Variants in NCKAP5 observed in about 807,000 individuals in gnomAD.
NCKAP5 encodes NCK associated protein 5.
NCKAP5 carries 92 observed loss-of-function variants against 167.0 expected under a neutral mutation model. The ratio of observed to expected loss-of-function variants is 0.55; its 90% CI spans 0.47 to 0.66. The LOEUF is 0.66. Ranked by LOEUF, NCKAP5 falls within the 30% of genes least tolerant of loss-of-function variation. The probability of loss-of-function intolerance (pLI) is 0.00; values close to 1 mark genes in which losing one functional copy is unlikely to be tolerated. For missense variants in NCKAP5, 2,378 were observed against 2,315.0 expected, an observed-to-expected ratio of 1.03 and a Z score of -0.56; for synonymous variants, 891 against 877.4, an observed-to-expected ratio of 1.02 and a Z score of -0.27.
intron 19 of NCKAP5, among the ~76,000 whole-genome samples, chr2:132,690,093 TA>T (rs1488473816): frequency 6.6e-6 from 1 of 152,202 alleles, no homozygotes; most frequent in Non-Finnish European, 1.5e-5. Context: ...TGTTCAATGT[TA>T]TTTTTTTATA....
chr2:133,242,413 G>C (rs2087761929), intron 4 of NCKAP5, among the ~76,000 whole-genome samples: 1 of 151,658 alleles, frequency 6.6e-6, no homozygotes. Context: ...TATAAACAGG[G>C]CTGGTTTCAG....
chr2:133,084,046 C>G (rs1040843151), intron 6 of NCKAP5, among the ~76,000 whole-genome samples: 4 of 152,082 alleles, frequency 2.6e-5, no homozygotes, highest in African/African-American at 9.7e-5. Context: ...TTAGGAGTTT[C>G]TGAGCACAGA....
intron 6 of NCKAP5, among the ~76,000 whole-genome samples, chr2:133,059,542 A>G (rs2079920957): frequency 6.6e-6 from 1 of 151,338 alleles, no homozygotes; most frequent in African/African-American, 2.4e-5. Flanking sequence ...GCCTGGTGGC[A>G]CATGCCTGTG....
chr2:133,174,104 C>T (rs1322316461), intron 5 of NCKAP5, among the ~76,000 whole-genome samples: 4 of 152,172 alleles, frequency 2.6e-5, no homozygotes, highest in African/African-American at 9.7e-5. Context: ...TATCCAGAAT[C>T]CCATGTGGCA....
intron 15 of NCKAP5, among the ~76,000 whole-genome samples, chr2:132,774,272 G>A (rs777467636): frequency 2.8e-4 from 42 of 152,268 alleles, no homozygotes; most frequent in Non-Finnish European, 5.3e-4. Context: ...GTCTAACGAG[G>A]TATAATTCCT....
chr2:133,671,372 C>T, the NCKAP5 span, among the ~76,000 whole-genome samples: 1 of 152,096 alleles, frequency 6.6e-6, no homozygotes, highest in South Asian at 2.1e-4. Context: ...GAAATAAACT[C>T]TTCAAAGTGG....
Position 133,432,530 on chromosome 2 carries a change from C to G in NCKAP5, c.69+84928G>C, listed in dbSNP as rs184759818. On this transcript the variant is annotated intron_variant, in intron 3 of 19. Transcript: ENST00000409261. ...CAACATCAGGGTTATCTATCCTGAG[C>G]ACTGATGGACTCGGCTCCAAATACA... Among the ~76,000 whole-genome samples the G allele has an allele frequency of 1.7e-3, 259 of 152,276 alleles. 2 individuals carry two copies. The highest frequency in any genetic ancestry group is 6.0e-3 in the African/African-American group (249 of 41,556).
At chr2:133,451,135 C>T (rs1691523990) in intron 3 of NCKAP5, among the ~76,000 whole-genome samples, 1 of 152,078 alleles carries the variant, frequency 6.6e-6, no homozygotes, top group Non-Finnish European at 1.5e-5. Flanking sequence ...TACATAGACA[C>T]AGACTCAAAG....
At chr2:132,729,517 G>A (rs1291106936) in intron 17 of NCKAP5, among the ~76,000 whole-genome samples, 3 of 152,162 alleles carry the variant, frequency 2.0e-5, no homozygotes, top group Non-Finnish European at 2.9e-5. Context: ...AAGCTTTAAT[G>A]TACATATGGA....
intron 3 of NCKAP5, among the ~76,000 whole-genome samples, chr2:133,355,872 A>G (rs1026671332): frequency 6.6e-6 from 1 of 152,000 alleles, no homozygotes; most frequent in Non-Finnish European, 1.5e-5. Flanking sequence ...CTTTGAGCAA[A>G]AGTACCCTCA....
At chr2:133,241,316 G>C (rs973628586) in intron 4 of NCKAP5, among the ~76,000 whole-genome samples, 1 of 152,170 alleles carries the variant, frequency 6.6e-6, no homozygotes, top group African/African-American at 2.4e-5. Flanking sequence ...CTTATGTAGA[G>C]ACACACTCAC....
chr2:133,502,938 T>A (rs2151391418), intron 3 of NCKAP5, among the ~76,000 whole-genome samples: 1 of 152,276 alleles, frequency 6.6e-6, no homozygotes, highest in South Asian at 2.1e-4. Context: ...TTTCCCTTGC[T>A]CTATGTTGCG....
intron 2 of NCKAP5, among the ~76,000 whole-genome samples, chr2:133,531,179 A>C (rs2104827645): frequency 6.6e-6 from 1 of 152,142 alleles, no homozygotes; most frequent in Admixed American, 6.5e-5. Flanking sequence ...TGAGGAAGGA[A>C]GGAAGGAAAG....
chr2:133,546,446 C>G (rs542056925), intron 2 of NCKAP5, among the ~76,000 whole-genome samples: 48 of 152,238 alleles, frequency 3.2e-4, no homozygotes, highest in African/African-American at 1.1e-3. Flanking sequence ...ATAAACCTGC[C>G]GTCCTGCTCA....
chr2:133,283,612 ATTT>A (rs34533937), intron 4 of NCKAP5, among the ~76,000 whole-genome samples: 3 of 143,312 alleles, frequency 2.1e-5, no homozygotes, highest in Non-Finnish European at 1.5e-5. Flanking sequence ...GCTGAAAAGG[ATTT>A]TTTTTTTTTT....
intron 5 of NCKAP5, among the ~76,000 whole-genome samples, chr2:133,132,673 C>CA (rs2082650042): frequency 6.8e-6 from 1 of 148,024 alleles, no homozygotes; most frequent in Non-Finnish European, 1.5e-5. Context: ...TATTTGTACC[C>CA]AATTTTTTTT....
At chr2:133,475,056 G>T (rs1430002361) in intron 3 of NCKAP5, among the ~76,000 whole-genome samples, 1 of 152,108 alleles carries the variant, frequency 6.6e-6, no homozygotes, top group Non-Finnish European at 1.5e-5. Flanking sequence ...TGATCCGCCC[G>T]CCTCAGCCTC....
At chr2:133,051,471 C>A (rs1294797001) in intron 6 of NCKAP5, among the ~76,000 whole-genome samples, 3 of 152,132 alleles carry the variant, frequency 2.0e-5, no homozygotes. Context: ...TGGGCTGGAA[C>A]AGTCCCAAGA....
the NCKAP5 span, among the ~76,000 whole-genome samples, chr2:133,591,710 A>G: frequency 6.6e-6 from 1 of 152,252 alleles, no homozygotes; most frequent in Non-Finnish European, 1.5e-5. Flanking sequence ...TGTTGTATGT[A>G]TCCTACTATT....
Sources: allele counts gnomAD v4.1 joint callset (sites outside exome capture counted in the v4.1 genomes callset), GRCh38; gene constraint gnomAD v4.1.1; transcripts MANE v1.5; gene names NCBI Gene and HGNC (gene_info 2026-07-23, HGNC 2026-07-21).